CEP44: variants seen among roughly 807,000 people sequenced by gnomAD.
The protein encoded by CEP44 is centrosomal protein of 44 kDa.
In CEP44, 45 loss-of-function variants were observed where a neutral mutation model predicts 46.7. That is an observed-to-expected ratio of 0.96 (90% CI 0.76 to 1.24). CEP44 has a LOEUF of 1.24. Ranked by LOEUF, CEP44 falls within the 50% of genes most tolerant of loss-of-function variation. The pLI, the probability that CEP44 is intolerant of heterozygous loss-of-function variation, is 0.00. For synonymous variants in CEP44, 142 were observed against 146.0 expected (o/e 0.97, Z 0.20); for missense variants, 475 against 459.7 (o/e 1.03, Z -0.30).
Position 174,308,757 on chromosome 4 carries a change from T to G in CEP44, c.576T>G (p.Ser192Arg), listed in dbSNP as rs1312829265. 14 of 1,613,182 alleles carry G rather than the reference T, an allele frequency of 8.7e-6. No homozygotes were observed. Among genetic ancestry groups the G allele is most frequent in the Non-Finnish European group, 1.2e-5 (14 of 1,179,414 alleles). ...TTGACATTTCTGAGGATACATTAAG[T>G]CCAATAACAGATGTTAATGAAGCAG... ...DNVDISEDTL[S>R]PITDVNEAVD... The change falls in exon 7 of 12, where the codon AGT becomes AGG. Residue 192 changes from serine (S) to arginine (R), a missense_variant. Coordinates refer to ENST00000503780, the MANE Select transcript of CEP44 (RefSeq NM_001040157.3).
intron 1 of CEP44, chr4:174,284,280 A>T (rs965918349): frequency 2.6e-6 from 1 of 390,242 alleles, no homozygotes. Context: ...GCGGGAGGGG[A>T]GCCTTGCTTA....
chr4:174,284,323 C>G, intron 1 of CEP44: 1 of 345,050 alleles, frequency 2.9e-6, no homozygotes. Context: ...TTAGTCACAA[C>G]GAAGTGGGAA....
intron 1 of CEP44, among the ~76,000 whole-genome samples, chr4:174,295,757 T>G (rs1738926765): frequency 6.6e-6 from 1 of 152,254 alleles, no homozygotes; most frequent in South Asian, 2.1e-4. Flanking sequence ...AGGCCGAGGC[T>G]CCATATATCC....
chr4:174,308,183 A>G (rs1271378957), intron 6 of CEP44, among the ~76,000 whole-genome samples: 3 of 152,072 alleles, frequency 2.0e-5, no homozygotes, highest in Non-Finnish European at 4.4e-5. Context: ...TAGCAAAGAC[A>G]TGGAATCAAG....
intron 1 of CEP44, among the ~76,000 whole-genome samples, chr4:174,289,103 A>G (rs535284853): frequency 7.2e-5 from 11 of 152,200 alleles, no homozygotes; most frequent in Non-Finnish European, 1.6e-4. Context: ...CATCACAATG[A>G]AAAATCCTAC....
rs762030048 is a variant in CEP44 at position 174,331,029 on chromosome 4, G to A, written c.1087-453G>A. Among the ~76,000 whole-genome samples, 1 of 152,064 alleles carries A rather than the reference G, an allele frequency of 6.6e-6. No individual in the cohort carries two copies. The highest frequency in any genetic ancestry group is 1.5e-5 in the Non-Finnish European group (1 of 68,016). ...AGGATGTGCTTTCAGGATATGCAGT[G>A]GTTAAGGCACTTGATATCTACTGAT... On this transcript the variant is annotated intron_variant, in intron 8 of 8. Transcript: ENST00000426172. The surrounding 1 kb of genome is among the most constrained non-coding windows in gnomAD (Gnocchi z 4.5).
rs796516516 is a variant in CEP44 at position 174,288,394 on chromosome 4, C to T, written c.-148+4451C>T. On this transcript the variant is annotated intron_variant, in intron 1 of 11. Coordinates refer to ENST00000503780, the MANE Select transcript of CEP44 (RefSeq NM_001040157.3). The surrounding 1 kb of genome is among the most constrained non-coding windows in gnomAD (Gnocchi z 4.6). ...TGCAGATCTTATTTATTTTGCCTAACTGAAACTTTGTACCCTTTGAACAAC... is the reference window on the plus strand; with the variant it reads ...TGCAGATCTTATTTATTTTGCCTAATTGAAACTTTGTACCCTTTGAACAAC... 3.9e-5 allele frequency among the ~76,000 whole-genome samples: 6 copies of T among 152,264 alleles called. No individual in the cohort carries two copies. Among genetic ancestry groups the T allele is most frequent in the African/African-American group, 1.4e-4 (6 of 41,556 alleles).
Position 174,318,291 on chromosome 4 carries a change from G to A in CEP44, c.*908G>A. ...TTGGTCAGGCTGGTCTCAAACTCCTGACCTCAGGTGATCTGCCTGTCTTGG... is the reference window on the plus strand; with the variant it reads ...TTGGTCAGGCTGGTCTCAAACTCCTAACCTCAGGTGATCTGCCTGTCTTGG... On this transcript the variant is annotated 3_prime_UTR_variant, in exon 12 of 12. Transcript: ENST00000503780. 2 of 975,530 alleles carry A rather than the reference G, an allele frequency of 2.1e-6. No individual in the cohort carries two copies. The highest frequency in any genetic ancestry group is 2.4e-6 in the Non-Finnish European group (2 of 821,026). 60.4% of individuals were successfully genotyped at this position (975,530 alleles called of 1,614,324 possible).
At chr4:174,304,492 T>C in intron 6 of CEP44, 123 bp downstream of exon 6, 2 of 1,308,316 alleles carry the variant, frequency 1.5e-6, no homozygotes, top group Non-Finnish European at 2.1e-6. Context: ...GTTCATTGAT[T>C]TTTAACAGTG....
At chr4:174,296,417 G>A (rs1432731066) in intron 1 of CEP44, among the ~76,000 whole-genome samples, 1 of 151,914 alleles carries the variant, frequency 6.6e-6, no homozygotes, top group Admixed American at 6.6e-5. Context: ...TTTCAGTTTG[G>A]TCCTCTAATT....
At position 174,316,255 on chromosome 4, in the gene CEP44, A is replaced by G. The variant is rs1234928388; in HGVS notation, c.1051A>G (p.Thr351Ala). Residue 351 changes from threonine (T) to alanine (A), a missense_variant, in exon 10 of 12, where the codon ACT becomes GCT. Transcript: ENST00000503780. ...ASSDSTPRAS[T>A]VNYCGLNEIS... ...ATCAGATTCAACTCCCAGAGCCTCTACTGTTAATTACTGTGGTTTGAATGA... is the reference window on the plus strand; with the variant it reads ...ATCAGATTCAACTCCCAGAGCCTCTGCTGTTAATTACTGTGGTTTGAATGA... The G allele has an allele frequency of 6.2e-6, 10 of 1,611,294 alleles. No individual in the cohort carries two copies. The East Asian group carries it at 2.0e-4, about 32-fold the overall frequency.
At chr4:174,291,078 G>A (rs1001935751) in intron 1 of CEP44, among the ~76,000 whole-genome samples, 3 of 152,032 alleles carry the variant, frequency 2.0e-5, no homozygotes, top group Non-Finnish European at 4.4e-5. Context: ...GTTGAGTGTT[G>A]TTTTTATTAT....
At chr4:174,308,239 A>G (rs1426673975) in intron 6 of CEP44, among the ~76,000 whole-genome samples, 1 of 152,206 alleles carries the variant, frequency 6.6e-6, no homozygotes, top group African/African-American at 2.4e-5. Flanking sequence ...ATGCCCATCA[A>G]TGATAGAGCA....
rs1186756074 is a variant in CEP44, at chr4:174,309,904, C to T, written c.733C>T (p.Gln245Ter). ...TALQTMLAEC[Q>*]ENLKKLTSIE... is the part of the protein sequence containing the mutation. ...ACTACAAACTATGCTTGCTGAATGC[C>T]AAGAAAATCTTAAGAAACTGACTTC... is the stretch of plus-strand genomic sequence containing the variant. The change falls in exon 8 of 12, where the codon CAA (glutamine) becomes TAA (stop). Residue 245 changes from glutamine (Q) to a stop codon, truncating the protein, a stop_gained. Transcript: ENST00000503780. LOFTEE classifies it high-confidence loss of function. This position sits in a 1 kb window ranked among gnomAD's most constrained non-coding sequence, Gnocchi z 5.3. The T allele has an allele frequency of 6.2e-7, 1 of 1,612,036 alleles. No homozygotes were observed. Among genetic ancestry groups the T allele is most frequent in the Non-Finnish European group, 8.5e-7 (1 of 1,178,920 alleles).
downstream of CEP44, among the ~76,000 whole-genome samples, chr4:174,322,452 C>T (rs951950641): frequency 5.9e-5 from 9 of 152,076 alleles, no homozygotes; most frequent in Non-Finnish European, 1.5e-5. Flanking sequence ...AAATAATGCC[C>T]CCTAGGTCCC....
At chr4:174,284,281 G>A (rs972840336) in intron 1 of CEP44, 17 of 390,034 alleles carry the variant, frequency 4.4e-5, no homozygotes, top group African/African-American at 3.5e-4. Flanking sequence ...CGGGAGGGGA[G>A]CCTTGCTTAT....
At chr4:174,299,267 T>C in intron 3 of CEP44, 57 bp downstream of exon 3, 3 of 1,389,158 alleles carry the variant, frequency 2.2e-6, no homozygotes, top group African/African-American at 1.4e-5. Context: ...TGAGATGATA[T>C]TTAACATGGG....
chr4:174,316,542 C>G lies in CEP44; in HGVS notation c.1099C>G (p.Gln367Glu). The G allele has an allele frequency of 6.3e-7, 1 of 1,588,070 alleles. No individual in the cohort carries two copies. Among genetic ancestry groups the G allele is most frequent in the Non-Finnish European group, 8.6e-7 (1 of 1,166,252 alleles). The change falls in exon 11 of 12, where the codon CAG becomes GAG. Residue 367 changes from glutamine to glutamate, a missense_variant. Gln to Glu is a conservative substitution (Grantham distance 29, BLOSUM62 2). Transcript: ENST00000503780. ...LNEISEETTI[Q>E]KMERMKKMFE... The stretch of plus-strand genomic sequence containing the variant: ...TTTTAAATTAAAGGAAACAACAATC[C>G]AGAAAATGGAAAGGATGAAAAAAAT...
rs767707225 is a variant in CEP44 at position 174,303,725 on chromosome 4, A to G, written c.260A>G (p.Tyr87Cys). Residue 87 changes from tyrosine to cysteine, a missense_variant, in exon 5 of 12, where the codon TAT becomes TGT. Physicochemically the swap from Tyr to Cys is radical, Grantham distance 194. Transcript: ENST00000503780. Reference sequence around the variant, plus strand: ...CAGCTTCTTCGTGATCAATTTAATTATAAACCAATTTTGACAAAAAAGCAG... The same window carrying G: ...CAGCTTCTTCGTGATCAATTTAATTGTAAACCAATTTTGACAAAAAAGCAG... ...VYKLLRDQFN[Y>C]KPILTKKQFI... The G allele has an allele frequency of 1.9e-6, 3 of 1,544,116 alleles. No homozygotes were observed. Among genetic ancestry groups the G allele is most frequent in the African/African-American group, 2.7e-5 (2 of 73,884 alleles).
Sources: gnomAD v4.1 joint callset for allele counts (sites outside exome capture counted in the v4.1 genomes callset) on GRCh38, gnomAD v4.1.1 for gene constraint, Gnocchi (gnomAD v3.1) non-coding constraint, MANE v1.5 for transcripts, NCBI Gene and HGNC (gene_info 2026-07-23, HGNC 2026-07-21) for gene names.